GPC5: variants seen among roughly 807,000 people sequenced by gnomAD.
GPC5 encodes glypican 5.
Under a neutral mutation model 53.9 loss-of-function variants are expected in GPC5, and 47 were observed. The observed-to-expected ratio is 0.87, with a 90% CI of 0.69 to 1.11. The LOEUF is 1.11. Ranked by LOEUF, GPC5 falls within the 50% of genes most tolerant of loss-of-function variation. GPC5 has a pLI of 0.00. For synonymous variants in GPC5, 286 were observed against 263.3 expected (o/e 1.09, Z -0.84); for missense variants, 748 against 713.1 (o/e 1.05, Z -0.56).
intron 7 of GPC5, among the ~76,000 whole-genome samples, chr13:92,811,909 C>T (rs1877314267): frequency 6.6e-6 from 1 of 151,854 alleles, no homozygotes; most frequent in African/African-American, 2.4e-5. Flanking sequence ...AATCAATTGA[C>T]CATAAATGTC....
intron 7 of GPC5, among the ~76,000 whole-genome samples, chr13:92,192,008 T>A (rs752032561): frequency 1.1e-4 from 16 of 152,204 alleles, no homozygotes; most frequent in Non-Finnish European, 1.8e-4. Flanking sequence ...AATTAGGGAC[T>A]GTCTGTATAT....
chr13:92,587,559 T>A (rs1243825609), intron 7 of GPC5, among the ~76,000 whole-genome samples: 1 of 144,042 alleles, frequency 6.9e-6, no homozygotes, highest in East Asian at 2.0e-4. Flanking sequence ...TATTGTACAT[T>A]ATTTATGGTA....
At chr13:91,682,020 T>A (rs2035519328) in intron 2 of GPC5, among the ~76,000 whole-genome samples, 1 of 152,172 alleles carries the variant, frequency 6.6e-6, no homozygotes, top group Non-Finnish European at 1.5e-5. Context: ...TAGAAAATGA[T>A]AGTACGATAT....
rs548031976 is a variant in GPC5, at chr13:92,063,935, A to C, written c.1402-80895A>C. Among the ~76,000 whole-genome samples, 11 of 152,286 alleles carry C rather than the reference A, an allele frequency of 7.2e-5. No homozygotes were observed. In the South Asian group the frequency reaches 2.1e-3, roughly 29 times the overall value. On this transcript the variant is annotated intron_variant, in intron 6 of 7. Coordinates refer to ENST00000377067, the MANE Select transcript of GPC5 (RefSeq NM_004466.6). ...GTTTTTAATGTTTTTATTATTTACA[A>C]GTGACACTTTTGTTCAAATTGTGAT...
chr13:92,378,565 G>C (rs1011829086), intron 7 of GPC5, among the ~76,000 whole-genome samples: 9 of 152,108 alleles, frequency 5.9e-5, no homozygotes, highest in Non-Finnish European at 1.0e-4. Context: ...GGACTTTGGA[G>C]CCAAGGAGAC....
intron 7 of GPC5, among the ~76,000 whole-genome samples, chr13:92,183,419 A>G (rs9589446): frequency 0.49 from 75,072 of 151,698 alleles, 19,090 homozygotes; most frequent in Middle Eastern, 0.69. Context: ...TTAATCCACT[A>G]TTTTCTTTCA....
chr13:92,369,550 C>G (rs2043633784), intron 7 of GPC5, among the ~76,000 whole-genome samples: 1 of 152,118 alleles, frequency 6.6e-6, no homozygotes, highest in South Asian at 2.1e-4. Context: ...AGTATGCACT[C>G]AATAAGCAAA....
At chr13:91,791,184 A>G (rs1339999623) in intron 5 of GPC5, among the ~76,000 whole-genome samples, 1 of 152,200 alleles carries the variant, frequency 6.6e-6, no homozygotes. Context: ...CTCTGACACT[A>G]GAACTGGTGG....
intron 7 of GPC5, among the ~76,000 whole-genome samples, chr13:92,365,680 T>G (rs2043602041): frequency 6.6e-6 from 1 of 151,290 alleles, no homozygotes; most frequent in Admixed American, 6.6e-5. Context: ...TTTTTTACTT[T>G]GTAAATTTTT....
intron 7 of GPC5, among the ~76,000 whole-genome samples, chr13:92,445,252 T>TCA (rs1877752603): frequency 6.8e-6 from 1 of 147,396 alleles, no homozygotes; most frequent in African/African-American, 2.5e-5. Context: ...TTCCTTTCTC[T>TCA]CTCTCTCTCT....
At chr13:91,771,704 C>T (rs2037628257) in intron 5 of GPC5, among the ~76,000 whole-genome samples, 1 of 151,604 alleles carries the variant, frequency 6.6e-6, no homozygotes, top group Non-Finnish European at 1.5e-5. Flanking sequence ...ATTTTTTTAC[C>T]AAGTCCTTTT....
At chr13:91,839,433 G>C (rs1294347263) in intron 5 of GPC5, among the ~76,000 whole-genome samples, 2 of 152,106 alleles carry the variant, frequency 1.3e-5, no homozygotes, top group Non-Finnish European at 2.9e-5. Flanking sequence ...CTTTGGAGTA[G>C]AGGGTAGAAT....
At chr13:92,217,094 C>T (rs916099700) in intron 7 of GPC5, among the ~76,000 whole-genome samples, 2 of 152,112 alleles carry the variant, frequency 1.3e-5, no homozygotes, top group African/African-American at 4.8e-5. Flanking sequence ...GCACTTACCA[C>T]CTTCTCTAAA....
At chr13:92,723,361 T>C (rs898371693) in intron 7 of GPC5, among the ~76,000 whole-genome samples, 2 of 35,996 alleles carry the variant, frequency 5.6e-5, no homozygotes, top group Non-Finnish European at 9.6e-5. Context: ...AAACCCAGAG[T>C]CAGAGCTGGT....
At chr13:91,677,372 AT>A (rs1248683515) in intron 2 of GPC5, among the ~76,000 whole-genome samples, 1 of 152,176 alleles carries the variant, frequency 6.6e-6, no homozygotes, top group African/African-American at 2.4e-5. Flanking sequence ...AAAGAAATAG[AT>A]TTTAACTCCA....
intron 5 of GPC5, among the ~76,000 whole-genome samples, chr13:91,783,861 C>T (rs996725083): frequency 6.6e-6 from 1 of 152,138 alleles, no homozygotes; most frequent in African/African-American, 2.4e-5. Flanking sequence ...GTGATTAATG[C>T]CATCAAATCA....
At chr13:91,982,944 T>C (rs896831839) in intron 6 of GPC5, among the ~76,000 whole-genome samples, 6 of 152,084 alleles carry the variant, frequency 3.9e-5, no homozygotes, top group Non-Finnish European at 5.9e-5. Flanking sequence ...ATAAAATAAG[T>C]TTATTAATGA....
intron 7 of GPC5, among the ~76,000 whole-genome samples, chr13:92,861,547 T>C (rs139421748): frequency 1.3e-5 from 2 of 152,292 alleles, no homozygotes; most frequent in Admixed American, 6.5e-5. Flanking sequence ...TCTTTCACCA[T>C]TTCTCTACAG....
At chr13:92,577,090 A>T (rs566534766) in intron 7 of GPC5, among the ~76,000 whole-genome samples, 7 of 152,216 alleles carry the variant, frequency 4.6e-5, no homozygotes, top group Admixed American at 6.5e-5. Context: ...TAAAAGCTAT[A>T]AAAGTTCACC....
Sources: gnomAD v4.1 joint callset for allele counts (sites outside exome capture counted in the v4.1 genomes callset) on GRCh38, gnomAD v4.1.1 for gene constraint, MANE v1.5 for transcripts, NCBI Gene and HGNC (gene_info 2026-07-23, HGNC 2026-07-21) for gene names.